Variants in INTS10 observed in about 807,000 individuals in gnomAD.
INTS10 encodes the protein integrator complex subunit 10.
In INTS10, 44 loss-of-function variants were observed where a neutral mutation model predicts 94.4. The ratio of observed to expected loss-of-function variants is 0.47; its 90% CI spans 0.37 to 0.60. The LOEUF (loss-of-function observed/expected upper bound fraction) is 0.60, where lower values mean the gene tolerates loss of function less well. Among genes scored for constraint, INTS10 ranks in the 20% least tolerant of loss-of-function variants. The pLI, the probability that INTS10 is intolerant of heterozygous loss-of-function variation, is 0.00. For synonymous variants in INTS10, 341 were observed against 320.7 expected (o/e 1.06, Z -0.68); for missense variants, 797 against 868.7 (o/e 0.92, Z 1.04).
intron 13 of INTS10, among the ~76,000 whole-genome samples, chr8:19,839,948 A>G (rs1355650815): frequency 6.6e-6 from 1 of 150,936 alleles, no homozygotes; most frequent in East Asian, 2.0e-4. Flanking sequence ...CTTTAATCCC[A>G]GCTACTCAGG....
At chr8:19,847,627 C>CCTA (rs2068685040) in intron 16 of INTS10, among the ~76,000 whole-genome samples, 1 of 152,166 alleles carries the variant, frequency 6.6e-6, no homozygotes. Flanking sequence ...CTAGATAATG[C>CCTA]CTAACTGTTA....
rs918733775 is a variant in INTS10, at chr8:19,835,899, G to A, written c.1531-1153G>A. 8.5e-5 allele frequency among the ~76,000 whole-genome samples: 13 copies of A among 152,282 alleles called. No homozygotes were observed. The East Asian group carries it at 2.5e-3, about 29-fold the overall frequency. On this transcript the variant is annotated intron_variant, in intron 12 of 16. Transcript: ENST00000397977. ...TCAGGATGTGCCACAACATGAAAAG[G>A]GTCGGGAAGCATGGGTTTAAATCCC...
chr8:19,819,377 C>T (rs1435005847), intron 2 of INTS10, among the ~76,000 whole-genome samples, 196 bp from the exon 3 acceptor site: 1 of 152,096 alleles, frequency 6.6e-6, no homozygotes, highest in Non-Finnish European at 1.5e-5. Flanking sequence ...ATAAAACCCA[C>T]TAAAGACTTA....
chr8:19,844,007 G>C, intron 14 of INTS10, 69 bp from the exon 15 acceptor site: 1 of 1,277,320 alleles, frequency 7.8e-7, no homozygotes, highest in Non-Finnish European at 1.1e-6. Context: ...GGAAAGTGAT[G>C]TTTGCTGTAT....
chr8:19,822,607 A>T, intron 5 of INTS10, 87 bp downstream of exon 5: 1 of 780,178 alleles, frequency 1.3e-6, no homozygotes, highest in Non-Finnish European at 2.1e-6. Context: ...CATATATGAA[A>T]GGCAAAGGAG....
intron 2 of INTS10, chr8:19,818,646 A>G (rs1019216693): frequency 5.2e-6 from 2 of 383,636 alleles, no homozygotes; most frequent in African/African-American, 4.1e-5. Flanking sequence ...AAAAAGTGAA[A>G]GTGCATCCTA....
Position 19,820,405 on chromosome 8 carries a change from G to T in INTS10, c.328G>T (p.Val110Phe). The T allele has an allele frequency of 1.2e-6, 2 of 1,612,212 alleles. No individual in the cohort carries two copies. The highest frequency in any genetic ancestry group is 1.7e-6 in the Non-Finnish European group (2 of 1,178,550). Reference sequence around the variant, plus strand: ...TTTATTTGAAACTCTTCCTGGTCGGGTCCAGTGTGAAATGTTACTAAAGGT... The same window carrying T: ...TTTATTTGAAACTCTTCCTGGTCGGTTCCAGTGTGAAATGTTACTAAAGGT... ...RSLFETLPGR[V>F]QCEMLLKVTE... Residue 110 changes from valine to phenylalanine, a missense_variant, in exon 4 of 17, where the codon GTC becomes TTC. Val to Phe is a conservative substitution (Grantham distance 50, BLOSUM62 -1). Coordinates refer to ENST00000397977, the MANE Select transcript of INTS10 (RefSeq NM_018142.4).
In INTS10 at chr8:19,826,444, A is replaced by C. The variant is rs370155505; in HGVS notation, c.1025A>C (p.Gln342Pro). The C allele has an allele frequency of 1.2e-6, 2 of 1,611,984 alleles. No homozygotes were observed. The highest frequency in any genetic ancestry group is 1.7e-6 in the Non-Finnish European group (2 of 1,179,392). Residue 342 changes from glutamine to proline, a missense_variant, in exon 9 of 17, where the codon CAA (glutamine) becomes CCA (proline). By Grantham distance (76) the Gln-to-Pro change is moderately conservative. Transcript: ENST00000397977. The stretch of plus-strand genomic sequence containing the variant: ...TCCTTAGGTCCTAATGCCCCGAGCC[A>C]AGTTCCACTGGTTCTTCTTGAAGAT... ...SLFQGPNAPS[Q>P]VPLVLLEDVS...
chr8:19,832,086 C>A lies in INTS10; in HGVS notation c.1353C>A (p.Phe451Leu), dbSNP rs765063455. 8 of 1,591,556 alleles carry A rather than the reference C, an allele frequency of 5.0e-6. No individual in the cohort carries two copies. The African/African-American group carries it at 1.1e-4, about 21-fold the overall frequency. Residue 451 changes from phenylalanine (F) to leucine (L), a missense_variant, in exon 11 of 17, where the codon TTC becomes TTA. Phe to Leu is a conservative substitution (Grantham distance 22). Around this residue, in one of 3 missense-constraint regions of INTS10, gnomAD observed 734 missense variants for 787.8 expected, o/e 0.93. Transcript: ENST00000397977. ...ATACTTGGCTTTGGTTAAGAATCTT[C>A]CTCACTGATATGATCATCTATCAGG... ...KTDTWLWLRI[F>L]LTDMIIYQGQ...
At position 19,824,969 on chromosome 8, in the gene INTS10, C is replaced by G; in HGVS notation, c.1003C>G (p.Gln335Glu). The change falls in exon 8 of 17, where the codon CAA (glutamine) becomes GAA (glutamate). Residue 335 changes from glutamine to glutamate, a missense_variant. Physicochemically the swap from Gln to Glu is conservative, Grantham distance 29. Coordinates refer to ENST00000397977, the MANE Select transcript of INTS10 (RefSeq NM_018142.4). ...CAACAGCATACAGCCATCTCTCTTC[C>G]AAGGTTGGTTTACAAATTTTAGAGT... The part of the protein sequence containing the change: ...YVNSIQPSLF[Q>E]GPNAPSQVPL... The G allele has an allele frequency of 6.2e-7, 1 of 1,613,370 alleles. No individual in the cohort carries two copies. The highest frequency in any genetic ancestry group is 8.5e-7 in the Non-Finnish European group (1 of 1,179,684).
rs796433067 is a variant in INTS10 at position 19,851,475 on chromosome 8, T to C, written c.1977-174T>C. Among the ~76,000 whole-genome samples the C allele has an allele frequency of 1.2e-4, 18 of 152,384 alleles. No homozygotes were observed. Among genetic ancestry groups the C allele is most frequent in the African/African-American group, 4.3e-4 (18 of 41,592 alleles). On this transcript the variant is annotated intron_variant, in intron 16 of 16. Coordinates refer to ENST00000397977, the MANE Select transcript of INTS10 (RefSeq NM_018142.4). This position sits in a 1 kb window ranked among gnomAD's most constrained non-coding sequence, Gnocchi z 5.0. Reference sequence around the variant, plus strand: ...ATGTCTGTCTAGTTTTAAGTCTTTCTGAAGAGAAATGGGCTGGAATGTTTG... The same window carrying C: ...ATGTCTGTCTAGTTTTAAGTCTTTCCGAAGAGAAATGGGCTGGAATGTTTG...
At chr8:19,826,601 G>A (rs1302790751) in intron 9 of INTS10, 42 bp downstream of exon 9, 7 of 1,565,954 alleles carry the variant, frequency 4.5e-6, no homozygotes, top group South Asian at 1.2e-5. Flanking sequence ...TGGATGGGAC[G>A]CTTTGCTAGA....
chr8:19,832,152 C>A, intron 11 of INTS10, 42 bp downstream of exon 11: 2 of 1,094,812 alleles, frequency 1.8e-6, no homozygotes, highest in Non-Finnish European at 2.8e-6. Context: ...GTCTGTACAG[C>A]ATGGCTATGG....
intron 16 of INTS10, among the ~76,000 whole-genome samples, chr8:19,847,018 G>C (rs781758181): frequency 1.3e-5 from 2 of 152,166 alleles, no homozygotes; most frequent in Non-Finnish European, 2.9e-5. Context: ...TCCACATCTT[G>C]TTCTATCTTG....
In INTS10 at chr8:19,851,963, A is replaced by G; in HGVS notation, c.*158A>G. On this transcript the variant is annotated 3_prime_UTR_variant, in exon 17 of 17. Transcript: ENST00000397977. The surrounding 1 kb of genome is among the most constrained non-coding windows in gnomAD (Gnocchi z 5.0). ...CCTTGGTTGCTTAAAAGTAGTTCCCAAGAGTCTGAGAAGCTATTTCTATTT... is the reference window on the plus strand; with the variant it reads ...CCTTGGTTGCTTAAAAGTAGTTCCCGAGAGTCTGAGAAGCTATTTCTATTT... 2.0e-6 allele frequency: 1 copy of G among 500,988 alleles called. No homozygotes were observed. The highest frequency in any genetic ancestry group is 3.4e-6 in the Non-Finnish European group (1 of 290,802). 31.0% of individuals were successfully genotyped at this position (500,988 alleles called of 1,614,324 possible).
In INTS10 at chr8:19,837,116, A is replaced by G. The variant is rs1388970952; in HGVS notation, c.1595A>G (p.Lys532Arg). The part of the protein sequence containing the change: ...YMVLPIQDGG[K>R]SQEEPSKVKP... ...GTACTCCCCATTCAAGATGGAGGCAAATCCCAGGAGGAACCCTCGAAAGTA... is the reference window on the plus strand; with the variant it reads ...GTACTCCCCATTCAAGATGGAGGCAGATCCCAGGAGGAACCCTCGAAAGTA... Residue 532 changes from lysine (K) to arginine (R), a missense_variant, in exon 13 of 17, where the codon AAA becomes AGA. Around this residue, in one of 3 missense-constraint regions of INTS10, gnomAD observed 734 missense variants for 787.8 expected, o/e 0.93. Coordinates refer to ENST00000397977, the MANE Select transcript of INTS10 (RefSeq NM_018142.4). 5.6e-6 allele frequency: 9 copies of G among 1,613,668 alleles called. No homozygotes were observed. The Admixed American group carries it at 8.3e-5, about 15-fold the overall frequency.
At chr8:19,847,041 G>A (rs895267167) in intron 16 of INTS10, among the ~76,000 whole-genome samples, 2 of 152,192 alleles carry the variant, frequency 1.3e-5, no homozygotes, top group African/African-American at 2.4e-5. Context: ...AGTCTTAGAA[G>A]TGCCTAGGGA....
At chr8:19,850,055 A>G (rs1033865661) in intron 16 of INTS10, among the ~76,000 whole-genome samples, 12 of 151,248 alleles carry the variant, frequency 7.9e-5, no homozygotes, top group Admixed American at 7.9e-4. Flanking sequence ...CCCAGGAGGC[A>G]GAGGTGGCAG....
At chr8:19,817,782 C>G (rs2066042517) in intron 1 of INTS10, 116 bp downstream of exon 1, 1 of 1,332,562 alleles carries the variant, frequency 7.5e-7, no homozygotes, top group African/African-American at 1.5e-5. Flanking sequence ...TGCCCGGCCC[C>G]CTGCTTTCTC....
Sources: allele counts gnomAD v4.1 joint callset (sites outside exome capture counted in the v4.1 genomes callset), GRCh38; gene constraint gnomAD v4.1.1; regional missense constraint gnomAD v4.1.1; non-coding constraint Gnocchi (gnomAD v3.1); transcripts MANE v1.5; gene names NCBI Gene and HGNC (gene_info 2026-07-23, HGNC 2026-07-21).